The following SP140L variants were observed in gnomAD, a reference collection of about 807,000 sequenced individuals.
The protein encoded by SP140L is nuclear body protein SP140-like protein.
Under a neutral mutation model 84.3 loss-of-function variants are expected in SP140L, and 64 were observed. The observed-to-expected ratio is 0.76, with a 90% CI of 0.62 to 0.94. The LOEUF (loss-of-function observed/expected upper bound fraction) is 0.94. Ranked by LOEUF, SP140L falls within the 40% of genes least tolerant of loss-of-function variation. The pLI is 0.00. For missense variants in SP140L, 628 were observed against 692.5 expected (o/e 0.91, Z 1.05); for synonymous variants, 242 against 236.9 (o/e 1.02, Z -0.20).
At chr2:230,347,983 G>A (rs1200949429) in intron 2 of SP140L, among the ~76,000 whole-genome samples, 1 of 152,212 alleles carries the variant, frequency 6.6e-6, no homozygotes, top group East Asian at 1.9e-4. Context: ...TCAAACACAG[G>A]TGGTCTAGCC....
chr2:230,359,317 G>A (rs1324809511), intron 4 of SP140L, among the ~76,000 whole-genome samples, 185 bp downstream of exon 4: 2 of 152,162 alleles, frequency 1.3e-5, no homozygotes, highest in Non-Finnish European at 2.9e-5. Context: ...CAAACATCTG[G>A]AGGTCTGCTT....
chr2:230,337,276 G>C (rs2059907213), intron 2 of SP140L, among the ~76,000 whole-genome samples: 2 of 152,048 alleles, frequency 1.3e-5, no homozygotes, highest in Admixed American at 1.3e-4. Context: ...GTGTCTTTTG[G>C]CTGCATAAAT....
intron 3 of SP140L, 98 bp downstream of exon 3, chr2:230,358,065 A>T: frequency 7.3e-7 from 1 of 1,369,838 alleles, no homozygotes; most frequent in Non-Finnish European, 1.0e-6. Context: ...GAGGAGAAGC[A>T]GAGGTCACCA....
intron 2 of SP140L, among the ~76,000 whole-genome samples, chr2:230,349,727 G>C (rs536207360): frequency 6.6e-6 from 1 of 152,168 alleles, no homozygotes; most frequent in African/African-American, 2.4e-5. Context: ...ACTTACTCTA[G>C]GCTGGGCACA....
In SP140L at chr2:230,379,446, A is replaced by G. The variant is rs538690990; in HGVS notation, c.638-4064A>G. Among the ~76,000 whole-genome samples, 5 of 152,324 alleles carry G rather than the reference A, an allele frequency of 3.3e-5. No homozygotes were observed. In the South Asian group the frequency reaches 8.3e-4, roughly 25 times the overall value. ...AGGATCTTGTAATGGTTTCACTACA[A>G]ATTGAATACCCCATCTCTACCATTT... On this transcript the variant is annotated intron_variant, in intron 7 of 18. Coordinates refer to ENST00000415673, the MANE Select transcript of SP140L (RefSeq NM_138402.6).
intron 7 of SP140L, among the ~76,000 whole-genome samples, chr2:230,382,468 G>A (rs528373097): frequency 6.6e-6 from 1 of 152,252 alleles, no homozygotes; most frequent in Admixed American, 6.5e-5. Flanking sequence ...TGCAAAATCT[G>A]TCTGTACCAT....
chr2:230,382,365 C>T (rs1431175345), intron 7 of SP140L, among the ~76,000 whole-genome samples: 1 of 152,090 alleles, frequency 6.6e-6, no homozygotes, highest in African/African-American at 2.4e-5. Flanking sequence ...TTCTGAGAGA[C>T]AGATATCACC....
intron 2 of SP140L, among the ~76,000 whole-genome samples, chr2:230,342,509 G>A (rs796693587): frequency 2.0e-4 from 31 of 152,294 alleles, no homozygotes; most frequent in African/African-American, 7.2e-4. Flanking sequence ...GGCCATCTTG[G>A]CTCCCGGAGC....
intron 13 of SP140L, among the ~76,000 whole-genome samples, chr2:230,395,658 C>A (rs1222256394): frequency 6.6e-6 from 1 of 152,162 alleles, no homozygotes; most frequent in Non-Finnish European, 1.5e-5. Flanking sequence ...GAGATTTAGG[C>A]TAGTCAGAGA....
intron 7 of SP140L, among the ~76,000 whole-genome samples, chr2:230,381,625 G>A (rs2061408172): frequency 1.3e-5 from 2 of 151,720 alleles, no homozygotes; most frequent in African/African-American, 4.8e-5. Flanking sequence ...GGAGACCAAG[G>A]CAGAAGGATC....
At chr2:230,387,928 C>G (rs12052426) in intron 9 of SP140L, among the ~76,000 whole-genome samples, 27,661 of 152,054 alleles carry the variant, frequency 0.18, 2,844 homozygotes, top group South Asian at 0.44. Flanking sequence ...GCCCTGGTCA[C>G]ATTTACTATT....
chr2:230,348,234 AACGTATATCC>A (rs2060267660), intron 2 of SP140L, among the ~76,000 whole-genome samples: 1 of 152,238 alleles, frequency 6.6e-6, no homozygotes, highest in Non-Finnish European at 1.5e-5. Flanking sequence ...TAGAAATGAA[AACGTATATCC>A]ACACAAAGAC....
chr2:230,378,678 A>G (rs1213906549), intron 7 of SP140L, among the ~76,000 whole-genome samples: 2 of 152,226 alleles, frequency 1.3e-5, no homozygotes, highest in Non-Finnish European at 2.9e-5. Context: ...AATTATTTAA[A>G]ATGTGTTAAA....
intron 7 of SP140L, chr2:230,372,201 C>T (rs1461865470): frequency 1.9e-5 from 3 of 154,616 alleles, no homozygotes; most frequent in African/African-American, 7.2e-5. Context: ...TTGTTTTAAA[C>T]CACTAAATTT....
At chr2:230,355,472 T>C (rs2060513823) in intron 2 of SP140L, among the ~76,000 whole-genome samples, 1 of 152,090 alleles carries the variant, frequency 6.6e-6, no homozygotes, top group Non-Finnish European at 1.5e-5. Context: ...TGTTGTCAGC[T>C]CCCCCAAATT....
intron 2 of SP140L, among the ~76,000 whole-genome samples, chr2:230,339,965 C>T (rs1211209488): frequency 6.6e-6 from 1 of 150,908 alleles, no homozygotes; most frequent in Non-Finnish European, 1.5e-5. Flanking sequence ...AATGTATATT[C>T]TGTTGATTTG....
In SP140L at chr2:230,370,587, T is replaced by C. The variant is rs377576961; in HGVS notation, c.524-321T>C. On this transcript the variant is annotated intron_variant, in intron 5 of 18. Transcript: ENST00000415673. The stretch of plus-strand genomic sequence containing the variant: ...TTACCAAATGACCAAAGAAGGAGAA[T>C]CAGAAGAGCTTGCTTCTAGCTTGCT... 7.2e-5 allele frequency among the ~76,000 whole-genome samples: 11 copies of C among 152,174 alleles called. No homozygotes were observed. The East Asian group carries it at 9.6e-4, about 13-fold the overall frequency.
chr2:230,345,327 G>A (rs763331103), intron 2 of SP140L, among the ~76,000 whole-genome samples: 3 of 152,146 alleles, frequency 2.0e-5, no homozygotes, highest in East Asian at 1.9e-4. Flanking sequence ...CACTGCTTTC[G>A]TTTGGTCACT....
Position 230,367,659 on chromosome 2 carries a change from GT to G in SP140L, c.524-3248del, listed in dbSNP as rs2060930314. ...ATTGTGTGTTCCTTAACAAATTATT[GT>G]AGCTAGGCTGGGTGCGGTGGCTCAT... On this transcript the variant is annotated intron_variant, in intron 5 of 18. Coordinates refer to ENST00000415673, the MANE Select transcript of SP140L (RefSeq NM_138402.6). 2.6e-5 allele frequency among the ~76,000 whole-genome samples: 4 copies of G among 152,226 alleles called. No individual in the cohort carries two copies. In the South Asian group the frequency reaches 8.3e-4, roughly 32 times the overall value.
Sources: allele counts gnomAD v4.1 joint callset (sites outside exome capture counted in the v4.1 genomes callset), GRCh38; gene constraint gnomAD v4.1.1; transcripts MANE v1.5; gene names NCBI Gene and HGNC (gene_info 2026-07-23, HGNC 2026-07-21).